The following ABCC1 variants were observed in gnomAD, a reference collection of about 807,000 sequenced individuals.
ABCC1 encodes the protein ATP binding cassette subfamily C member 1 (ABCC1 blood group).
ABCC1 carries 83 observed loss-of-function variants against 172.9 expected under a neutral mutation model. The observed-to-expected ratio is 0.48, with a 90% CI of 0.40 to 0.58. The LOEUF is 0.58. ABCC1 is among the 20% of genes least tolerant of loss of function. ABCC1 has a pLI of 0.00. For missense variants in ABCC1, 1,817 were observed against 2,002.7 expected, an observed-to-expected ratio of 0.91 and a Z score of 1.77; for synonymous variants, 937 against 825.2, an observed-to-expected ratio of 1.14 and a Z score of -2.32.
rs754883060 is a variant in ABCC1 at position 16,138,466 on chromosome 16, C to T, written c.4395C>T (p.Asp1465=). 70 of 1,613,194 alleles carry T rather than the reference C, an allele frequency of 4.3e-5. No individual in the cohort carries two copies. The highest frequency in any genetic ancestry group is 5.7e-5 in the Non-Finnish European group (67 of 1,179,492). ...EATAAVDLET[D]DLIQSTIRTQ... ...CGGCAGCCGTGGACCTGGAAACGGA[C>T]GACCTCATCCAGTCCACCATCCGGA... Residue 1465 remains aspartate (D), a synonymous_variant, in exon 30 of 31, where the codon GAC becomes GAT. Coordinates refer to ENST00000399410, the MANE Select transcript of ABCC1 (RefSeq NM_004996.4).
chr16:16,063,032 A>G (rs1415874691), intron 12 of ABCC1, among the ~76,000 whole-genome samples: 1 of 152,164 alleles, frequency 6.6e-6, no homozygotes, highest in Non-Finnish European at 1.5e-5. Context: ...TCTGTCCTGT[A>G]GTTCTCTGCT....
intron 8 of ABCC1, among the ~76,000 whole-genome samples, chr16:16,045,395 C>CAAAAAAAAAAAAA (rs34870561): frequency 3.1e-5 from 2 of 64,704 alleles, no homozygotes; most frequent in African/African-American, 6.0e-5. Context: ...GACTTTGTCT[C>CAAAAAAAAAAAAA]AAAAAAAAAA....
At chr16:15,962,686 C>G (rs996247150) in intron 1 of ABCC1, among the ~76,000 whole-genome samples, 27 of 152,308 alleles carry the variant, frequency 1.8e-4, no homozygotes, top group African/African-American at 6.5e-4. Flanking sequence ...ATAAAACCAT[C>G]AGATCTTCTG....
intron 11 of ABCC1, among the ~76,000 whole-genome samples, chr16:16,053,774 CAAAAAAAAAAAAAAAAAAAAA>C (rs10526186): frequency 0.024 from 885 of 36,222 alleles, 21 homozygotes; most frequent in Middle Eastern, 0.088. Flanking sequence ...GACCCTGTCT[CAAAAAAAAAAAAAAAAAAAAA>C]AAAAAAAAAA....
intron 14 of ABCC1, among the ~76,000 whole-genome samples, chr16:16,072,715 A>G (rs2050398683): frequency 6.6e-6 from 1 of 151,392 alleles, no homozygotes; most frequent in Non-Finnish European, 1.5e-5. Flanking sequence ...TGAGCCAGGG[A>G]TGTTGTTTGT....
At chr16:16,140,165 A>G (rs990741338) in intron 30 of ABCC1, among the ~76,000 whole-genome samples, 6 of 152,216 alleles carry the variant, frequency 3.9e-5, no homozygotes, top group Non-Finnish European at 8.8e-5. Context: ...GAAGGCTAGC[A>G]TGAGGAGGCC....
At chr16:16,139,989 A>G (rs1418593093) in intron 30 of ABCC1, among the ~76,000 whole-genome samples, 1 of 152,256 alleles carries the variant, frequency 6.6e-6, no homozygotes, top group Non-Finnish European at 1.5e-5. Context: ...TAGATAGTGC[A>G]CGAATGAATG....
intron 1 of ABCC1, among the ~76,000 whole-genome samples, chr16:15,961,005 T>G (rs1247560794): frequency 6.4e-5 from 3 of 46,862 alleles, no homozygotes; most frequent in African/African-American, 1.0e-4. Context: ...CGCAGGTTTT[T>G]TTTTTTTTTT....
Position 16,131,862 on chromosome 16 carries a change from A to G in ABCC1, c.3893A>G (p.Tyr1298Cys), listed in dbSNP as rs1189902833. ...GTGGGCCGAGTGGAATTCCGGAACT[A>G]CTGCCTGCGCTACCGAGAGGACCTG... ...PQVGRVEFRN[Y>C]CLRYREDLDF... Residue 1298 changes from tyrosine (Y) to cysteine (C), a missense_variant, in exon 27 of 31, where the codon TAC (tyrosine) becomes TGC (cysteine). Around this residue, in one of 3 missense-constraint regions of ABCC1, gnomAD observed 1,412 missense variants for 1,600.3 expected, o/e 0.88. Coordinates refer to ENST00000399410, the MANE Select transcript of ABCC1 (RefSeq NM_004996.4). 3 of 1,614,156 alleles carry G rather than the reference A, an allele frequency of 1.9e-6. No homozygotes were observed. The highest frequency in any genetic ancestry group is 3.3e-5 in the Admixed American group (2 of 60,014).
At chr16:16,102,572 T>A in intron 19 of ABCC1, 55 bp from the exon 20 acceptor site, 1 of 1,525,206 alleles carries the variant, frequency 6.6e-7, no homozygotes, top group Non-Finnish European at 8.9e-7. Flanking sequence ...TTGCCCTTGG[T>A]TTTAGCATCT....
At chr16:16,046,392 T>C (rs2049210789) in intron 9 of ABCC1, among the ~76,000 whole-genome samples, 1 of 152,082 alleles carries the variant, frequency 6.6e-6, no homozygotes, top group Non-Finnish European at 1.5e-5. Flanking sequence ...TCCCCCAGAC[T>C]GGAGTGCAGT....
intron 8 of ABCC1, 22 bp from the exon 9 acceptor site, chr16:16,045,813 GC>G: frequency 6.2e-7 from 1 of 1,611,990 alleles, no homozygotes; most frequent in Non-Finnish European, 8.5e-7. Context: ...GTCATTCCAG[GC>G]CCTCTCTTTG....
rs144254815 is a variant in ABCC1, at chr16:15,998,688, G to C, written c.49-9128G>C. 5.2e-3 allele frequency among the ~76,000 whole-genome samples: 799 copies of C among 152,290 alleles called. 7 individuals are homozygous for C. Among genetic ancestry groups the C allele is most frequent in the African/African-American group, 0.018 (733 of 41,562 alleles). ...GTGCTCTTCAATTTGCTTTCTGCAG[G>C]GGAAACACCTTCCTTTGCTCAGCGT... On this transcript the variant is annotated intron_variant, in intron 1 of 30. Transcript: ENST00000399410.
intron 16 of ABCC1, 104 bp downstream of exon 16, chr16:16,079,582 A>C: frequency 7.2e-7 from 1 of 1,393,368 alleles, no homozygotes. Context: ...CCAGAAGCGA[A>C]AGCAGCAACG....
chr16:15,974,443 G>C (rs542595450), intron 1 of ABCC1, among the ~76,000 whole-genome samples: 1 of 152,260 alleles, frequency 6.6e-6, no homozygotes, highest in South Asian at 2.1e-4. Context: ...AGTGGGGGGT[G>C]TGGTGACTGC....
chr16:16,078,126 C>T (rs182225524), intron 15 of ABCC1, among the ~76,000 whole-genome samples: 1 of 152,268 alleles, frequency 6.6e-6, no homozygotes, highest in Non-Finnish European at 1.5e-5. Context: ...CCACTGTACT[C>T]CAGCCTGGGC....
chr16:16,099,793 C>A (rs188164319), intron 19 of ABCC1, among the ~76,000 whole-genome samples: 1 of 152,168 alleles, frequency 6.6e-6, no homozygotes. Context: ...CTTCAAAAAG[C>A]CAACAGGGGG....
chr16:15,972,303 A>T (rs1210052125), intron 1 of ABCC1, among the ~76,000 whole-genome samples: 1 of 152,102 alleles, frequency 6.6e-6, no homozygotes, highest in Non-Finnish European at 1.5e-5. Flanking sequence ...ATCTGTTAGG[A>T]TTGCATCTGG....
intron 27 of ABCC1, among the ~76,000 whole-genome samples, chr16:16,132,507 GT>G (rs1379143382): frequency 1.3e-5 from 1 of 75,066 alleles, no homozygotes; most frequent in Admixed American, 1.4e-4. Flanking sequence ...TTTTTGGTTG[GT>G]TGTTTTTTTT....
Sources: allele counts gnomAD v4.1 joint callset (sites outside exome capture counted in the v4.1 genomes callset), GRCh38; gene constraint gnomAD v4.1.1; regional missense constraint gnomAD v4.1.1; transcripts MANE v1.5; gene names NCBI Gene and HGNC (gene_info 2026-07-23, HGNC 2026-07-21).